The following MARCHF4 variants were observed in gnomAD, a reference collection of about 807,000 sequenced individuals.
MARCHF4 encodes E3 ubiquitin-protein ligase MARCHF4.
In MARCHF4, 14 loss-of-function variants were observed where a neutral mutation model predicts 43.9. The observed-to-expected ratio is 0.32, with a 90% CI of 0.21 to 0.50. The LOEUF (loss-of-function observed/expected upper bound fraction) is 0.50, where lower values mean the gene tolerates loss of function less well. MARCHF4 is among the 20% of genes least tolerant of loss of function. MARCHF4 has a pLI of 0.98. For synonymous variants in MARCHF4, 226 were observed against 213.3 expected (o/e 1.06, Z -0.52); for missense variants, 468 against 536.7 (o/e 0.87, Z 1.27).
At chr2:216,315,526 G>T (rs1192796828) in intron 1 of MARCHF4, among the ~76,000 whole-genome samples, 1 of 152,118 alleles carries the variant, frequency 6.6e-6, no homozygotes, top group Non-Finnish European at 1.5e-5. Flanking sequence ...AACCTCAGGA[G>T]ACTATATTCA....
intron 1 of MARCHF4, among the ~76,000 whole-genome samples, chr2:216,321,934 A>G (rs1691902305): frequency 6.6e-6 from 1 of 152,224 alleles, no homozygotes; most frequent in Admixed American, 6.5e-5. Context: ...TAGCTTCTCC[A>G]ACCCAAACCA....
Position 216,276,936 on chromosome 2 carries a change from C to G in MARCHF4, c.865+736G>C, listed in dbSNP as rs1398411813. ...AAGAATATAAACTTGGGGATGGGGT[C>G]AGAGAAGGAGCAGGATCTATAGCAG... On this transcript the variant is annotated intron_variant, in intron 3 of 3. Coordinates refer to ENST00000273067, the MANE Select transcript of MARCHF4 (RefSeq NM_020814.3). Among the ~76,000 whole-genome samples, 5 of 152,054 alleles carry G rather than the reference C, an allele frequency of 3.3e-5. No individual in the cohort carries two copies. In the East Asian group the frequency reaches 9.6e-4, roughly 29 times the overall value.
intron 1 of MARCHF4, among the ~76,000 whole-genome samples, chr2:216,306,701 T>G (rs532310529): frequency 3.9e-4 from 59 of 152,196 alleles, no homozygotes; most frequent in South Asian, 2.7e-3. Context: ...CCTACAGCAG[T>G]GTTGAGGGGT....
At chr2:216,288,615 T>C (rs947377312) in intron 1 of MARCHF4, among the ~76,000 whole-genome samples, 5 of 151,944 alleles carry the variant, frequency 3.3e-5, no homozygotes, top group African/African-American at 1.2e-4. Context: ...GGGAAGCTTC[T>C]TTTCAGGGGA....
rs1223720744 is a variant in MARCHF4 at position 216,370,673 on chromosome 2, G to C, written c.-413C>G. ...AAAAGTTCCCCAGGAAAGGATTATT[G>C]GGTTCTTCTCAAATTCCTACGCAGT... On this transcript the variant is annotated 5_prime_UTR_variant, in exon 1 of 4. Transcript: ENST00000273067. The C allele has an allele frequency of 6.2e-6, 1 of 162,458 alleles. No individual in the cohort carries two copies. Among genetic ancestry groups the C allele is most frequent in the Non-Finnish European group, 1.3e-5 (1 of 75,372 alleles). The allele number at this position is 162,458 out of a possible 1,614,324, so 10.1% of individuals were successfully genotyped here.
intron 1 of MARCHF4, among the ~76,000 whole-genome samples, chr2:216,358,008 G>C (rs972627568): frequency 6.6e-6 from 1 of 152,144 alleles, no homozygotes; most frequent in African/African-American, 2.4e-5. Flanking sequence ...AAACAATAGC[G>C]AGCTTGTGAG....
chr2:216,326,743 T>A lies in MARCHF4; in HGVS notation c.516+43002A>T, dbSNP rs1230251784. On this transcript the variant is annotated intron_variant, in intron 1 of 3. Coordinates refer to ENST00000273067, the MANE Select transcript of MARCHF4 (RefSeq NM_020814.3). Reference sequence around the variant, plus strand: ...ACCAAACACCGCATATTCTCACTCATAGGTGGGAATTGAACAATGAGAACA... The same window carrying A: ...ACCAAACACCGCATATTCTCACTCAAAGGTGGGAATTGAACAATGAGAACA... Among the ~76,000 whole-genome samples, 21 of 147,698 alleles carry A rather than the reference T, an allele frequency of 1.4e-4. No individual in the cohort carries two copies. The Admixed American group carries it at 1.4e-3, about 10-fold the overall frequency.
At chr2:216,269,772 A>G (rs982106830) in intron 3 of MARCHF4, among the ~76,000 whole-genome samples, 1 of 152,220 alleles carries the variant, frequency 6.6e-6, no homozygotes, top group Non-Finnish European at 1.5e-5. Flanking sequence ...GAGAAGTGCC[A>G]GTTCCTCAAG....
intron 1 of MARCHF4, among the ~76,000 whole-genome samples, chr2:216,331,519 A>T (rs914640171): frequency 6.6e-6 from 1 of 152,186 alleles, no homozygotes; most frequent in Non-Finnish European, 1.5e-5. Context: ...AATCTGACAT[A>T]CACATGAAAA....
At chr2:216,320,509 T>TA (rs1321124455) in intron 1 of MARCHF4, among the ~76,000 whole-genome samples, 1 of 152,202 alleles carries the variant, frequency 6.6e-6, no homozygotes, top group Non-Finnish European at 1.5e-5. Flanking sequence ...AACCCAGGTT[T>TA]AAAACCAATG....
intron 1 of MARCHF4, among the ~76,000 whole-genome samples, chr2:216,304,903 G>A (rs1021331599): frequency 3.9e-5 from 6 of 152,026 alleles, no homozygotes; most frequent in African/African-American, 9.7e-5. Flanking sequence ...GCAGTGAGCC[G>A]AGATCACGCC....
At chr2:216,336,922 C>G (rs890385107) in intron 1 of MARCHF4, among the ~76,000 whole-genome samples, 1 of 151,848 alleles carries the variant, frequency 6.6e-6, no homozygotes, top group African/African-American at 2.4e-5. Flanking sequence ...GAGGCTGAGG[C>G]AGGCAGATCA....
chr2:216,299,399 C>G (rs1363834193), intron 1 of MARCHF4, among the ~76,000 whole-genome samples: 1 of 152,142 alleles, frequency 6.6e-6, no homozygotes, highest in Non-Finnish European at 1.5e-5. Context: ...AACTTTAGGG[C>G]AAAGACACCT....
chr2:216,272,477 C>T (rs1214415318), intron 3 of MARCHF4, among the ~76,000 whole-genome samples: 2 of 152,166 alleles, frequency 1.3e-5, no homozygotes, highest in South Asian at 2.1e-4. Flanking sequence ...GCCTCCCCAA[C>T]CAAGCTCTGC....
intron 2 of MARCHF4, among the ~76,000 whole-genome samples, chr2:216,278,405 T>G (rs1031831349): frequency 6.6e-6 from 1 of 152,126 alleles, no homozygotes; most frequent in Non-Finnish European, 1.5e-5. Context: ...TTTGTATTTT[T>G]TAGTAGAGAC....
intron 1 of MARCHF4, among the ~76,000 whole-genome samples, chr2:216,353,751 T>A (rs751578840): frequency 9.2e-5 from 14 of 152,222 alleles, no homozygotes; most frequent in Admixed American, 2.0e-4. Context: ...TTTTGCCATG[T>A]TGGCCAGACA....
chr2:216,321,747 T>TA (rs1198427738), intron 1 of MARCHF4: 7 of 152,232 alleles, frequency 4.6e-5, no homozygotes, highest in African/African-American at 1.4e-4. Flanking sequence ...ATTGGTATTT[T>TA]ATCTTCCAAT....
At chr2:216,367,350 T>C (rs1692682498) in intron 1 of MARCHF4, among the ~76,000 whole-genome samples, 1 of 151,280 alleles carries the variant, frequency 6.6e-6, no homozygotes, top group Non-Finnish European at 1.5e-5. Flanking sequence ...ATCCCTCTCT[T>C]TCTCCCTCCC....
intron 3 of MARCHF4, among the ~76,000 whole-genome samples, chr2:216,267,913 G>A (rs1690870921): frequency 6.6e-6 from 1 of 152,212 alleles, no homozygotes; most frequent in Non-Finnish European, 1.5e-5. Context: ...TTCTAAATCA[G>A]TCATCTTCAT....
Sources: gnomAD v4.1 joint callset for allele counts (sites outside exome capture counted in the v4.1 genomes callset) on GRCh38, gnomAD v4.1.1 for gene constraint, MANE v1.5 for transcripts, NCBI Gene and HGNC (gene_info 2026-07-23, HGNC 2026-07-21) for gene names.